DIAPH3: variants seen among roughly 807,000 people sequenced by gnomAD.
DIAPH3 encodes protein diaphanous homolog 3.
DIAPH3 carries 117 observed loss-of-function variants against 144.3 expected under a neutral mutation model. The ratio of observed to expected loss-of-function variants is 0.81; its 90% CI spans 0.70 to 0.95. The LOEUF (loss-of-function observed/expected upper bound fraction) is 0.95. DIAPH3 is among the 40% of genes least tolerant of loss of function. The probability of loss-of-function intolerance (pLI) is 0.00; values close to 1 mark genes in which losing one functional copy is unlikely to be tolerated. For missense variants in DIAPH3, 1,421 were observed against 1,412.7 expected (o/e 1.01, Z -0.09); for synonymous variants, 519 against 488.9 (o/e 1.06, Z -0.81).
Position 59,870,650 on chromosome 13 carries a change from C to A in DIAPH3, c.2607+8579G>T, listed in dbSNP as rs1273099574. ...TTATTAGATCTTCTTTGATTTTTTT[C>A]AAAGTTTTGTAGGTGTTTTTTTTTT... On this transcript the variant is annotated intron_variant, in intron 21 of 27. Coordinates refer to ENST00000400324, the MANE Select transcript of DIAPH3 (RefSeq NM_001042517.2). Among the ~76,000 whole-genome samples the A allele has an allele frequency of 2.1e-5, 3 of 144,200 alleles. No individual in the cohort carries two copies. The East Asian group carries it at 6.3e-4, about 30-fold the overall frequency. The allele number at this position is 144,200 out of a possible 152,430, so 94.6% of individuals were successfully genotyped here.
chr13:59,835,058 T>A (rs1356757025), intron 23 of DIAPH3, among the ~76,000 whole-genome samples: 1 of 151,800 alleles, frequency 6.6e-6, no homozygotes. Context: ...CACATTTATT[T>A]TTAGGTCATA....
At chr13:59,719,669 A>G (rs1378714442) in intron 27 of DIAPH3, among the ~76,000 whole-genome samples, 2 of 152,120 alleles carry the variant, frequency 1.3e-5, no homozygotes, top group Non-Finnish European at 2.9e-5. Flanking sequence ...TGTTGGAGAA[A>G]GCTCTTTAAA....
chr13:59,870,824 C>A (rs1249176425), intron 21 of DIAPH3, among the ~76,000 whole-genome samples: 1 of 152,058 alleles, frequency 6.6e-6, no homozygotes, highest in Non-Finnish European at 1.5e-5. Flanking sequence ...GCATGTGCCA[C>A]CACGCCTGGC....
chr13:59,851,262 C>G (rs1012886711), intron 22 of DIAPH3, among the ~76,000 whole-genome samples: 2 of 152,180 alleles, frequency 1.3e-5, no homozygotes, highest in Non-Finnish European at 2.9e-5. Context: ...TATGCTCCCC[C>G]TCTCTCCCTC....
chr13:59,721,641 C>T (rs2035350990), intron 27 of DIAPH3, among the ~76,000 whole-genome samples: 1 of 152,206 alleles, frequency 6.6e-6, no homozygotes, highest in African/African-American at 2.4e-5. Flanking sequence ...ACTAATTCTA[C>T]TTTATTTGCC....
At chr13:59,727,552 G>A (rs556178994) in intron 27 of DIAPH3, among the ~76,000 whole-genome samples, 2 of 152,160 alleles carry the variant, frequency 1.3e-5, no homozygotes, top group South Asian at 2.1e-4. Context: ...AAAGTTCCTC[G>A]CCTATGTGTG....
chr13:59,810,481 T>C (rs2040417903), intron 25 of DIAPH3, among the ~76,000 whole-genome samples: 1 of 152,212 alleles, frequency 6.6e-6, no homozygotes. Context: ...AGTTACTTTA[T>C]TAACTGACAT....
At position 59,879,464 on chromosome 13, in the gene DIAPH3, C is replaced by T; in HGVS notation, c.2372G>A (p.Ser791Asn). 6.2e-7 allele frequency: 1 copy of T among 1,613,576 alleles called. No homozygotes were observed. The highest frequency in any genetic ancestry group is 8.5e-7 in the Non-Finnish European group (1 of 1,179,690). The change falls in exon 21 of 28, where the codon AGC (serine) becomes AAC (asparagine). Residue 791 changes from serine (S) to asparagine (N), a missense_variant. Ser to Asn is a conservative substitution (Grantham distance 46). Transcript: ENST00000400324. ...CEPEQFVVVM[S>N]NVKRLRPRLS... is the part of the protein sequence containing the mutation. ...CCGTGGCCGTAGTCTCTTCACATTGCTCATCTGATTGAAAAGAAAACAGCA... is the reference window on the plus strand; with the variant it reads ...CCGTGGCCGTAGTCTCTTCACATTGTTCATCTGATTGAAAAGAAAACAGCA...
chr13:60,057,163 CA>C (rs2056590335), intron 4 of DIAPH3, among the ~76,000 whole-genome samples: 1 of 151,480 alleles, frequency 6.6e-6, no homozygotes. Flanking sequence ...AAGACTTCTC[CA>C]AAAGACTCCT....
At chr13:60,088,821 C>T (rs946097678) in intron 4 of DIAPH3, among the ~76,000 whole-genome samples, 8 of 152,104 alleles carry the variant, frequency 5.3e-5, no homozygotes, top group African/African-American at 1.7e-4. Flanking sequence ...AGGGTTTCAC[C>T]ATGTTAGCCA....
chr13:59,958,439 T>C (rs932427274), intron 17 of DIAPH3, among the ~76,000 whole-genome samples: 25 of 152,248 alleles, frequency 1.6e-4, no homozygotes, highest in African/African-American at 5.8e-4. Flanking sequence ...AATGTAGACA[T>C]TGTTATCTTT....
intron 27 of DIAPH3, among the ~76,000 whole-genome samples, chr13:59,718,694 A>T (rs1451618177): frequency 1.3e-5 from 2 of 152,248 alleles, no homozygotes; most frequent in Admixed American, 1.3e-4. Flanking sequence ...CATTTTCAAT[A>T]GTGGAATGTT....
chr13:59,773,389 C>G (rs966498542), intron 27 of DIAPH3, among the ~76,000 whole-genome samples: 2 of 152,156 alleles, frequency 1.3e-5, no homozygotes, highest in African/African-American at 4.8e-5. Context: ...CTTAAGTCAT[C>G]TGCACCCAAA....
At chr13:59,706,258 T>C (rs767212785) in intron 27 of DIAPH3, among the ~76,000 whole-genome samples, 7 of 152,156 alleles carry the variant, frequency 4.6e-5, no homozygotes, top group Non-Finnish European at 8.8e-5. Context: ...TGAGTATTTC[T>C]TATCTGTGGT....
intron 27 of DIAPH3, among the ~76,000 whole-genome samples, chr13:59,696,886 G>C (rs1423487389): frequency 6.6e-6 from 1 of 151,996 alleles, no homozygotes; most frequent in Admixed American, 6.6e-5. Context: ...AAGTAAACTT[G>C]TAATTCTATC....
chr13:59,862,831 A>C (rs532647425), intron 21 of DIAPH3, among the ~76,000 whole-genome samples: 1 of 152,254 alleles, frequency 6.6e-6, no homozygotes, highest in Non-Finnish European at 1.5e-5. Flanking sequence ...CTGTATGCAT[A>C]TCTGTGTTTT....
intron 4 of DIAPH3, among the ~76,000 whole-genome samples, chr13:60,089,240 C>A (rs2057851006): frequency 6.6e-6 from 1 of 152,136 alleles, no homozygotes; most frequent in East Asian, 1.9e-4. Flanking sequence ...GTGAAGGCAG[C>A]AACTCTATTA....
chr13:59,681,862 G>T (rs2032969343), intron 27 of DIAPH3, among the ~76,000 whole-genome samples: 1 of 152,100 alleles, frequency 6.6e-6, no homozygotes, highest in Non-Finnish European at 1.5e-5. Flanking sequence ...TCAGCTCCTG[G>T]CTCCAAACTA....
chr13:59,861,379 A>G (rs373341278), intron 22 of DIAPH3, 28 bp downstream of exon 22: 8 of 1,613,570 alleles, frequency 5.0e-6, no homozygotes, highest in Non-Finnish European at 6.8e-6. Context: ...GATCAGAGCC[A>G]TGAAATGTTT....
Sources: allele counts gnomAD v4.1 joint callset (sites outside exome capture counted in the v4.1 genomes callset), GRCh38; gene constraint gnomAD v4.1.1; transcripts MANE v1.5; gene names NCBI Gene and HGNC (gene_info 2026-07-23, HGNC 2026-07-21).